Variants in PLTP observed in about 807,000 individuals in gnomAD.
The protein encoded by PLTP is phospholipid transfer protein, also known as BPI fold containing family E.
In PLTP, 43 loss-of-function variants were observed where a neutral mutation model predicts 54.1. The observed-to-expected ratio is 0.79, with a 90% CI of 0.62 to 1.02. The LOEUF (loss-of-function observed/expected upper bound fraction) is 1.02. Among genes scored for constraint, PLTP ranks in the 50% least tolerant of loss-of-function variants. The probability of loss-of-function intolerance (pLI) is 0.00; values close to 1 mark genes in which losing one functional copy is unlikely to be tolerated. For missense variants in PLTP, 604 were observed against 645.9 expected (o/e 0.94, Z 0.70); for synonymous variants, 263 against 264.6 (o/e 0.99, Z 0.06).
intron 10 of PLTP, among the ~76,000 whole-genome samples, chr20:45,903,166 G>A (rs1433719027): frequency 2.0e-5 from 3 of 151,112 alleles, no homozygotes; most frequent in South Asian, 2.1e-4. Context: ...ACAGGCATGA[G>A]CCACCACACC....
In PLTP at chr20:45,902,351, A is replaced by C; in HGVS notation, c.1108-17T>G. 6.2e-7 allele frequency: 1 copy of C among 1,614,082 alleles called. No homozygotes were observed. The highest frequency in any genetic ancestry group is 8.5e-7 in the Non-Finnish European group (1 of 1,179,988). The stretch of plus-strand genomic sequence containing the variant: ...ACGGGCGTCCTGCAGGAACATGGGG[A>C]GGAGGATGTTACTGACCCAGAAGGT... On this transcript the variant is annotated splice_polypyrimidine_tract_variant and intron_variant, in intron 11 of 15. Coordinates refer to ENST00000372431, the MANE Select transcript of PLTP (RefSeq NM_006227.4).
At chr20:45,899,808 C>A in intron 13 of PLTP, 28 bp downstream of exon 13, 1 of 455,516 alleles carries the variant, frequency 2.2e-6, no homozygotes, top group Non-Finnish European at 4.1e-6. Context: ...ACGAACCCAG[C>A]CCAGCCCACC....
In PLTP at chr20:45,906,344, T is replaced by G; in HGVS notation, c.629A>C (p.Asp210Ala). 1 of 1,613,754 alleles carries G rather than the reference T, an allele frequency of 6.2e-7. No individual in the cohort carries two copies. The highest frequency in any genetic ancestry group is 8.5e-7 in the Non-Finnish European group (1 of 1,179,818). ...LDTVPVRSSVDELVGIDYSLM... is the reference protein window; with the variant it reads ...LDTVPVRSSVAELVGIDYSLM... ...GGAATAGTCAATGCCAACAAGCTCG[T>G]CCACAGAACTGCGCACTGCAGGAAG... is the stretch of plus-strand genomic sequence containing the variant. Residue 210 changes from aspartate to alanine, a missense_variant, in exon 8 of 16, where the codon GAC becomes GCC. By Grantham distance (126) the Asp-to-Ala change is moderately radical. Transcript: ENST00000372431.
intron 5 of PLTP, among the ~76,000 whole-genome samples, chr20:45,908,524 G>A (rs2083261260): frequency 6.6e-6 from 1 of 152,144 alleles, no homozygotes; most frequent in South Asian, 2.1e-4. Context: ...AATAGGCCGG[G>A]CACAGTTGCT....
In PLTP at chr20:45,907,760, G is replaced by A. The variant is rs746839668; in HGVS notation, c.550-5C>T. On this transcript the variant is annotated splice_region_variant and splice_polypyrimidine_tract_variant and intron_variant, in intron 6 of 15. Coordinates refer to ENST00000372431, the MANE Select transcript of PLTP (RefSeq NM_006227.4). Reference sequence around the variant, plus strand: ...GTGGTAGAGGACAGGGCAGATCTGCGAGGTGGGAGCCAGAGTCAGGGCCTT... The same window carrying A: ...GTGGTAGAGGACAGGGCAGATCTGCAAGGTGGGAGCCAGAGTCAGGGCCTT... The A allele has an allele frequency of 1.2e-5, 20 of 1,613,298 alleles. No homozygotes were observed. The highest frequency in any genetic ancestry group is 3.3e-5 in the Admixed American group (2 of 59,890).
Position 45,911,192 on chromosome 20 carries a change from G to C in PLTP, c.160C>G (p.Leu54Val), listed in dbSNP as rs60818838. 1 of 1,614,010 alleles carries C rather than the reference G, an allele frequency of 6.2e-7. No individual in the cohort carries two copies. Among genetic ancestry groups the C allele is most frequent in the African/African-American group, 1.3e-5 (1 of 74,896 alleles). ...QELETITIPD[L>V]RGKEGHFYYN... The stretch of plus-strand genomic sequence containing the variant: ...TAGAAGTGGCCTTCTTTGCCCCGCA[G>C]GTCCGGAATGGTGATAGTCTCCAGC... Residue 54 changes from leucine to valine, a missense_variant, in exon 3 of 16, where the codon CTG (leucine) becomes GTG (valine). Physicochemically the swap from Leu to Val is conservative, Grantham distance 32. Coordinates refer to ENST00000372431, the MANE Select transcript of PLTP (RefSeq NM_006227.4).
chr20:45,910,981 G>T (rs1255146866), intron 3 of PLTP, 171 bp downstream of exon 3: 26 of 1,511,094 alleles, frequency 1.7e-5, no homozygotes, highest in Non-Finnish European at 1.5e-5. Flanking sequence ...TATGATGACT[G>T]GCTTGGCCTT....
chr20:45,907,064 C>A (rs2083246408), intron 7 of PLTP, among the ~76,000 whole-genome samples: 1 of 125,822 alleles, frequency 7.9e-6, no homozygotes, highest in Admixed American at 8.6e-5. Flanking sequence ...CACAGTGGCT[C>A]ATGCCTATAA....
Position 45,911,441 on chromosome 20 carries a change from G to A in PLTP, c.12C>T (p.Phe4=), listed in dbSNP as rs2083291987. MAL[F]GALFLALLAG... ...CCAGCAGCGCTAGGAAGAGGGCCCC[G>A]AAGAGGGCCATGGCGAGCGGGCCTG... is the stretch of plus-strand genomic sequence containing the variant. Residue 4 remains phenylalanine (F), a synonymous_variant, in exon 2 of 16, where the codon TTC becomes TTT. Transcript: ENST00000372431. 1.2e-6 allele frequency: 2 copies of A among 1,604,914 alleles called. No homozygotes were observed. The highest frequency in any genetic ancestry group is 4.5e-5 in the East Asian group (2 of 44,878).
intron 5 of PLTP, 98 bp from the exon 6 acceptor site, chr20:45,908,002 G>T: frequency 2.8e-6 from 3 of 1,071,666 alleles, no homozygotes; most frequent in Non-Finnish European, 4.2e-6. Context: ...GGCAGTAGGA[G>T]TCCTCAGCTT....
At chr20:45,911,284 C>A in intron 2 of PLTP, 33 bp from the exon 3 acceptor site, 1 of 1,613,558 alleles carries the variant, frequency 6.2e-7, no homozygotes, top group Non-Finnish European at 8.5e-7. Flanking sequence ...ACTTAGCTCC[C>A]GTGCCCACTG....
chr20:45,909,537 G>T lies in PLTP; in HGVS notation c.464C>A (p.Ala155Glu), dbSNP rs750514361. 6.2e-7 allele frequency: 1 copy of T among 1,614,068 alleles called. No individual in the cohort carries two copies. The highest frequency in any genetic ancestry group is 8.5e-7 in the Non-Finnish European group (1 of 1,180,036). Residue 155 changes from alanine (A) to glutamate (E), a missense_variant, in exon 5 of 16, where the codon GCG (alanine) becomes GAG (glutamate). Coordinates refer to ENST00000372431, the MANE Select transcript of PLTP (RefSeq NM_006227.4). ...SCQASVSRMH[A>E]AFGGTFKKVY... ...TTACTTGAAGGTTCCCCCGAAGGCC[G>T]CGTGCATTCTGGAGACAGAGGCCTG...
chr20:45,904,387 T>C (rs927322624), intron 10 of PLTP, among the ~76,000 whole-genome samples: 2 of 152,044 alleles, frequency 1.3e-5, no homozygotes, highest in African/African-American at 4.8e-5. Context: ...GCTTGAGCCC[T>C]GGGAGGCAGA....
rs369411977 is a variant in PLTP, at chr20:45,910,073, A to G, written c.201-3T>C. 4 of 1,613,692 alleles carry G rather than the reference A, an allele frequency of 2.5e-6. No homozygotes were observed. The highest frequency in any genetic ancestry group is 3.4e-6 in the Non-Finnish European group (4 of 1,179,770). Reference sequence around the variant, plus strand: ...GTTGCAGCTCTGTGACCTTCACCCTACAGGAGGCCTCAGGGTCAGATCCAG... The same window carrying G: ...GTTGCAGCTCTGTGACCTTCACCCTGCAGGAGGCCTCAGGGTCAGATCCAG... On this transcript the variant is annotated splice_region_variant and splice_polypyrimidine_tract_variant and intron_variant, in intron 3 of 15. Coordinates refer to ENST00000372431, the MANE Select transcript of PLTP (RefSeq NM_006227.4).
At chr20:45,903,055 G>A (rs981039720) in intron 10 of PLTP, among the ~76,000 whole-genome samples, 1 of 152,020 alleles carries the variant, frequency 6.6e-6, no homozygotes, top group Non-Finnish European at 1.5e-5. Context: ...GGCACCTGCC[G>A]CCATGCCCGG....
rs778928066 is a variant in PLTP at position 45,904,910 on chromosome 20, C to T, written c.882+32G>A. ...GAGTGAGCTCTGTCACAGACCTTCT[C>T]TTGCCCATCCCACAAACAGGCCATG... On this transcript the variant is annotated intron_variant, in intron 9 of 15. Coordinates refer to ENST00000372431, the MANE Select transcript of PLTP (RefSeq NM_006227.4). The T allele has an allele frequency of 6.8e-6, 11 of 1,614,206 alleles. No homozygotes were observed. The Admixed American group carries it at 1.2e-4, about 17-fold the overall frequency.
intron 10 of PLTP, 70 bp downstream of exon 10, chr20:45,904,730 C>G (rs11086986): frequency 1.3e-6 from 2 of 1,509,142 alleles, no homozygotes; most frequent in Admixed American, 3.3e-5. Context: ...CCACTGGGGG[C>G]CCCACCTGCA....
rs138947935 is a variant in PLTP, at chr20:45,902,549, G to T, written c.998C>A (p.Pro333Gln). ...GCCAGAGGGCTTGATGGTGCAGCGCGGTGGGGCCAGGACCCGCAGCTCCAG... is the reference window on the plus strand; with the variant it reads ...GCCAGAGGGCTTGATGGTGCAGCGCTGTGGGGCCAGGACCCGCAGCTCCAG... ...LKLELRVLAP[P>Q]RCTIKPSGTT... The change falls in exon 11 of 16, where the codon CCG becomes CAG. Residue 333 changes from proline to glutamine, a missense_variant. Physicochemically the swap from Pro to Gln is moderately conservative, Grantham distance 76. Transcript: ENST00000372431. The T allele has an allele frequency of 3.1e-6, 5 of 1,613,898 alleles. No individual in the cohort carries two copies. The highest frequency in any genetic ancestry group is 2.2e-5 in the East Asian group (1 of 44,906).
intron 15 of PLTP, 41 bp downstream of exon 15, chr20:45,899,421 G>A (rs376463002): frequency 1.7e-4 from 270 of 1,599,862 alleles, no homozygotes; most frequent in Non-Finnish European, 2.2e-4. Flanking sequence ...TATAGAGAGA[G>A]GGGAAGGCCC....
Sources: allele counts gnomAD v4.1 joint callset (sites outside exome capture counted in the v4.1 genomes callset), GRCh38; gene constraint gnomAD v4.1.1; transcripts MANE v1.5; gene names NCBI Gene and HGNC (gene_info 2026-07-23, HGNC 2026-07-21).